The following MRPS27 variants were observed in gnomAD, a reference collection of about 807,000 sequenced individuals.
The protein encoded by MRPS27 is mitochondrial ribosomal protein S27.
Under a neutral mutation model 48.9 loss-of-function variants are expected in MRPS27, and 43 were observed. That is an observed-to-expected ratio of 0.88 (90% CI 0.69 to 1.13). The LOEUF is 1.13. Among genes scored for constraint, MRPS27 ranks in the 50% most tolerant of loss-of-function variants. The probability of loss-of-function intolerance (pLI) is 0.00; values close to 1 mark genes in which losing one functional copy is unlikely to be tolerated. For synonymous variants in MRPS27, 188 were observed against 171.9 expected (o/e 1.09, Z -0.73); for missense variants, 467 against 476.3 (o/e 0.98, Z 0.18).
chr5:72,298,638 G>A (rs1235248612), intron 2 of MRPS27, among the ~76,000 whole-genome samples: 7 of 150,920 alleles, frequency 4.6e-5, no homozygotes, highest in Non-Finnish European at 7.4e-5. Context: ...CCCGGGAAGC[G>A]GAGCTTGCAG....
At chr5:72,236,417 T>G (rs1222331922) in intron 5 of MRPS27, among the ~76,000 whole-genome samples, 1 of 152,178 alleles carries the variant, frequency 6.6e-6, no homozygotes, top group Admixed American at 6.5e-5. Context: ...GGCTACAGCC[T>G]GGATCTTCTG....
intron 4 of MRPS27, among the ~76,000 whole-genome samples, chr5:72,269,849 T>A (rs2112015454): frequency 6.6e-6 from 1 of 152,156 alleles, no homozygotes; most frequent in South Asian, 2.1e-4. Context: ...TCTTTCTTAG[T>A]CTAATATAAA....
intron 9 of MRPS27, 88 bp from the exon 10 acceptor site, chr5:72,223,938 A>G: frequency 7.8e-7 from 1 of 1,287,190 alleles, no homozygotes; most frequent in Non-Finnish European, 1.1e-6. Context: ...GAAAGAAAGG[A>G]AGAATGAGCT....
intron 4 of MRPS27, among the ~76,000 whole-genome samples, chr5:72,268,422 A>G (rs1386858011): frequency 3.9e-5 from 6 of 152,194 alleles, no homozygotes; most frequent in African/African-American, 1.2e-4. Flanking sequence ...TTTTGGCACC[A>G]CTGGGGAAGG....
chr5:72,307,492 AATATT>A (rs1471767363), intron 2 of MRPS27, among the ~76,000 whole-genome samples: 1 of 152,236 alleles, frequency 6.6e-6, no homozygotes, highest in Non-Finnish European at 1.5e-5. Flanking sequence ...TCTGTATCAA[AATATT>A]TACGGATGAA....
intron 4 of MRPS27, among the ~76,000 whole-genome samples, chr5:72,280,169 G>A (rs373469730): frequency 8.6e-5 from 13 of 152,022 alleles, no homozygotes; most frequent in Non-Finnish European, 1.8e-4. Context: ...ATCATTTTAT[G>A]TTAGTCTTCT....
intron 8 of MRPS27, among the ~76,000 whole-genome samples, chr5:72,226,711 C>A (rs749347819): frequency 3.8e-4 from 57 of 151,290 alleles, no homozygotes; most frequent in South Asian, 8.4e-4. Flanking sequence ...AAAAAAAAAA[C>A]CCCTCATCTT....
intron 10 of MRPS27, among the ~76,000 whole-genome samples, chr5:72,223,168 A>G (rs1214045622): frequency 6.6e-6 from 1 of 152,238 alleles, no homozygotes; most frequent in Admixed American, 6.5e-5. Flanking sequence ...CTGTTCTGGA[A>G]AGAAACAATG....
chr5:72,259,482 A>G (rs187982300), intron 4 of MRPS27, among the ~76,000 whole-genome samples: 1,654 of 151,914 alleles, frequency 0.011, 30 homozygotes, highest in African/African-American at 0.038. Flanking sequence ...AAAAAAAAAA[A>G]AAAAATCCAA....
At chr5:72,271,327 G>T (rs1749236485) in intron 4 of MRPS27, among the ~76,000 whole-genome samples, 1 of 152,116 alleles carries the variant, frequency 6.6e-6, no homozygotes, top group Non-Finnish European at 1.5e-5. Context: ...CTCTCTAGCA[G>T]CAAGCAACTG....
At chr5:72,224,876 A>G (rs996742068) in intron 9 of MRPS27, among the ~76,000 whole-genome samples, 5 of 152,208 alleles carry the variant, frequency 3.3e-5, no homozygotes, top group African/African-American at 9.7e-5. Context: ...AACAACAGCA[A>G]GGCCAGTAGA....
intron 2 of MRPS27, among the ~76,000 whole-genome samples, chr5:72,302,635 C>T (rs1580113522): frequency 6.6e-6 from 1 of 152,196 alleles, no homozygotes; most frequent in African/African-American, 2.4e-5. Context: ...ATGTAACTGT[C>T]AGAGGCCAAA....
intron 4 of MRPS27, among the ~76,000 whole-genome samples, chr5:72,249,936 A>C (rs1580070208): frequency 1.3e-5 from 2 of 152,032 alleles, no homozygotes; most frequent in African/African-American, 4.8e-5. Flanking sequence ...GTAAGCTGAG[A>C]TCACGCCACT....
chr5:72,277,922 C>A (rs890239514), intron 4 of MRPS27, among the ~76,000 whole-genome samples: 3 of 152,052 alleles, frequency 2.0e-5, no homozygotes, highest in Non-Finnish European at 4.4e-5. Context: ...ATAACACATA[C>A]TGGAGCCTGT....
chr5:72,277,883 A>G (rs555266643), intron 4 of MRPS27, among the ~76,000 whole-genome samples: 16 of 152,106 alleles, frequency 1.1e-4, no homozygotes, highest in Admixed American at 2.6e-4. Flanking sequence ...GGAGCTGAAC[A>G]ATGAGAACAC....
At chr5:72,319,989 G>T (rs1750706474) in intron 1 of MRPS27, 160 bp downstream of exon 1, 3 of 689,942 alleles carry the variant, frequency 4.3e-6, no homozygotes, top group African/African-American at 3.6e-5. Flanking sequence ...GGAAGGAAAT[G>T]GATCAGATAC....
intron 4 of MRPS27, among the ~76,000 whole-genome samples, chr5:72,242,117 T>C (rs545396324): frequency 3.3e-5 from 5 of 152,310 alleles, no homozygotes; most frequent in African/African-American, 7.2e-5. Flanking sequence ...TAAAAGTTGG[T>C]ATCCCATGGC....
At chr5:72,236,217 T>G (rs1748196002) in intron 5 of MRPS27, among the ~76,000 whole-genome samples, 1 of 152,124 alleles carries the variant, frequency 6.6e-6, no homozygotes, top group African/African-American at 2.4e-5. Context: ...ACAGATCAAT[T>G]AAACTAGAAT....
intron 4 of MRPS27, among the ~76,000 whole-genome samples, chr5:72,284,666 C>T (rs926277642): frequency 1.4e-4 from 21 of 152,094 alleles, no homozygotes; most frequent in African/African-American, 4.3e-4. Context: ...GTGTATCATT[C>T]CAGAGATATT....
Sources: allele counts gnomAD v4.1 joint callset (sites outside exome capture counted in the v4.1 genomes callset), GRCh38; gene constraint gnomAD v4.1.1; transcripts MANE v1.5; gene names NCBI Gene and HGNC (gene_info 2026-07-23, HGNC 2026-07-21).